The following ZBTB7C variants were observed in gnomAD, a reference collection of about 807,000 sequenced individuals.
The protein encoded by ZBTB7C is zinc finger and BTB domain-containing protein 7C.
ZBTB7C carries 8 observed loss-of-function variants against 25.7 expected under a neutral mutation model. That is an observed-to-expected ratio of 0.31 (90% CI 0.18 to 0.56). ZBTB7C has a LOEUF of 0.56. Among genes scored for constraint, ZBTB7C ranks in the 20% least tolerant of loss-of-function variants. The probability of loss-of-function intolerance (pLI) is 0.91; values close to 1 mark genes in which losing one functional copy is unlikely to be tolerated. For missense variants in ZBTB7C, 824 were observed against 855.2 expected, an observed-to-expected ratio of 0.96 and a Z score of 0.46; for synonymous variants, 394 against 369.0, an observed-to-expected ratio of 1.07 and a Z score of -0.78.
intron 2 of ZBTB7C, among the ~76,000 whole-genome samples, chr18:48,323,559 C>T (rs1386526500): frequency 6.6e-6 from 1 of 152,198 alleles, no homozygotes; most frequent in Non-Finnish European, 1.5e-5. Flanking sequence ...GAGATGACCA[C>T]CAAAGTCCTT....
Position 48,308,368 on chromosome 18 carries a change from C to T in ZBTB7C, c.-79+29806G>A, listed in dbSNP as rs554626332. Among the ~76,000 whole-genome samples the T allele has an allele frequency of 3.3e-5, 5 of 152,278 alleles. No homozygotes were observed. In the East Asian group the frequency reaches 9.7e-4, roughly 29 times the overall value. ...CTACTGGCATTTAGGGCAGGATGACCTCTTGCCCTTGCCTCTCCCTCCCAC... is the reference window on the plus strand; with the variant it reads ...CTACTGGCATTTAGGGCAGGATGACTTCTTGCCCTTGCCTCTCCCTCCCAC... On this transcript the variant is annotated intron_variant, in intron 2 of 4. Coordinates refer to ENST00000590800, the MANE Select transcript of ZBTB7C (RefSeq NM_001318841.2).
chr18:48,410,107 G>A (rs961874987), upstream of ZBTB7C, among the ~76,000 whole-genome samples: 3 of 152,084 alleles, frequency 2.0e-5, no homozygotes, highest in African/African-American at 7.3e-5. Context: ...CTCGGCAACT[G>A]CTTTTCTACC....
chr18:48,318,079 C>T (rs1254278722), intron 2 of ZBTB7C, among the ~76,000 whole-genome samples: 10 of 152,140 alleles, frequency 6.6e-5, no homozygotes, highest in African/African-American at 2.4e-4. Flanking sequence ...TCCAAGGCTT[C>T]CAGGCCCTCT....
At chr18:48,102,564 CAAAA>C (rs58790347) in intron 3 of ZBTB7C, among the ~76,000 whole-genome samples, 6 of 95,604 alleles carry the variant, frequency 6.3e-5, no homozygotes, top group Admixed American at 1.2e-4. Flanking sequence ...GATCCTCCCT[CAAAA>C]AAAAAAAAAA....
intron 3 of ZBTB7C, among the ~76,000 whole-genome samples, chr18:48,074,107 A>G (rs1204076373): frequency 6.7e-6 from 1 of 149,562 alleles, no homozygotes; most frequent in African/African-American, 2.5e-5. Flanking sequence ...TCCACTTCCC[A>G]GGTTCAAGCA....
At chr18:48,306,967 G>A (rs1024733779) in intron 2 of ZBTB7C, among the ~76,000 whole-genome samples, 1 of 152,038 alleles carries the variant, frequency 6.6e-6, no homozygotes, top group African/African-American at 2.4e-5. Flanking sequence ...GGCAAGAGAC[G>A]ATCTGCCAAC....
intron 3 of ZBTB7C, among the ~76,000 whole-genome samples, chr18:48,170,203 A>T (rs1269214251): frequency 6.6e-6 from 1 of 152,182 alleles, no homozygotes; most frequent in Non-Finnish European, 1.5e-5. Flanking sequence ...TGGACCAAAG[A>T]CCCTGCCTCA....
intron 2 of ZBTB7C, among the ~76,000 whole-genome samples, chr18:48,251,773 G>A (rs2043865717): frequency 6.6e-6 from 1 of 152,192 alleles, no homozygotes; most frequent in African/African-American, 2.4e-5. Flanking sequence ...AATCTCTGCG[G>A]CCCTATGTGA....
intron 2 of ZBTB7C, among the ~76,000 whole-genome samples, chr18:48,191,060 C>A (rs1357149117): frequency 6.6e-6 from 1 of 152,294 alleles, no homozygotes; most frequent in East Asian, 1.9e-4. Flanking sequence ...AAATACCTTG[C>A]CTTGAGCACA....
At chr18:48,064,648 T>C (rs2037252534) in intron 3 of ZBTB7C, among the ~76,000 whole-genome samples, 1 of 152,066 alleles carries the variant, frequency 6.6e-6, no homozygotes, top group South Asian at 2.1e-4. Context: ...GAGGCTGAAG[T>C]GGGAGGCTCA....
chr18:48,082,754 A>T (rs913978272), intron 3 of ZBTB7C, among the ~76,000 whole-genome samples: 2 of 152,124 alleles, frequency 1.3e-5, no homozygotes, highest in Non-Finnish European at 2.9e-5. Flanking sequence ...GTATGGGCCC[A>T]TTTTAGAGAT....
chr18:48,304,881 T>G (rs2045634329), intron 2 of ZBTB7C, among the ~76,000 whole-genome samples: 1 of 151,878 alleles, frequency 6.6e-6, no homozygotes, highest in South Asian at 2.1e-4. Flanking sequence ...TTGTTAGATT[T>G]GATTTCTGAC....
chr18:48,143,821 TC>T (rs2040420448), intron 3 of ZBTB7C, among the ~76,000 whole-genome samples: 1 of 152,224 alleles, frequency 6.6e-6, no homozygotes. Flanking sequence ...TGATGTCTCC[TC>T]TTGGTAATTT....
intron 2 of ZBTB7C, among the ~76,000 whole-genome samples, chr18:48,327,007 G>A (rs1015762044): frequency 6.6e-6 from 1 of 152,180 alleles, no homozygotes; most frequent in Non-Finnish European, 1.5e-5. Context: ...TGCAAATGGT[G>A]CCATGCCTGG....
chr18:48,384,384 A>G (rs1467235736), intron 1 of ZBTB7C, among the ~76,000 whole-genome samples: 1 of 152,222 alleles, frequency 6.6e-6, no homozygotes, highest in Non-Finnish European at 1.5e-5. Context: ...GATTCAGAAC[A>G]CGACTGGTGA....
chr18:48,406,201 A>T (rs1294418524), intron 1 of ZBTB7C, among the ~76,000 whole-genome samples: 2 of 152,108 alleles, frequency 1.3e-5, no homozygotes, highest in Non-Finnish European at 2.9e-5. Flanking sequence ...GCCTGCTATG[A>T]GAGGGAGGAC....
intron 3 of ZBTB7C, among the ~76,000 whole-genome samples, chr18:48,073,711 C>G (rs967381267): frequency 5.8e-4 from 89 of 152,232 alleles, no homozygotes; most frequent in African/African-American, 2.0e-3. Context: ...CTGTGGCTGG[C>G]CGGCTGGCCT....
intron 2 of ZBTB7C, among the ~76,000 whole-genome samples, chr18:48,259,788 A>G (rs1321820514): frequency 6.6e-6 from 1 of 152,252 alleles, no homozygotes; most frequent in Non-Finnish European, 1.5e-5. Context: ...TATAAGGGAC[A>G]TGAAAATCAA....
chr18:48,311,142 T>C (rs1485539279), intron 2 of ZBTB7C, among the ~76,000 whole-genome samples: 1 of 152,164 alleles, frequency 6.6e-6, no homozygotes, highest in Non-Finnish European at 1.5e-5. Context: ...CTCTTCCTCA[T>C]GTTCCCATAG....
Sources: allele counts gnomAD v4.1 joint callset (sites outside exome capture counted in the v4.1 genomes callset), GRCh38; gene constraint gnomAD v4.1.1; transcripts MANE v1.5; gene names NCBI Gene and HGNC (gene_info 2026-07-23, HGNC 2026-07-21).